The following DESI2 variants were observed in gnomAD, a reference collection of about 807,000 sequenced individuals.
DESI2 encodes the protein desumoylating isopeptidase 2.
DESI2 carries 10 observed loss-of-function variants against 24.1 expected under a neutral mutation model. The ratio of observed to expected loss-of-function variants is 0.41; its 90% CI spans 0.26 to 0.70. DESI2 has a LOEUF of 0.70. Ranked by LOEUF, DESI2 falls within the 30% of genes least tolerant of loss-of-function variation. The pLI is 0.29. For missense variants in DESI2, 122 were observed against 234.9 expected (o/e 0.52, Z 3.14); for synonymous variants, 71 against 87.7 (o/e 0.81, Z 1.06).
chr1:244,680,665 C>T (rs180758126), intron 1 of DESI2, among the ~76,000 whole-genome samples: 2 of 152,278 alleles, frequency 1.3e-5, no homozygotes, highest in Admixed American at 1.3e-4. Flanking sequence ...CATATTTTTC[C>T]ATTGCAAAGA....
At chr1:244,665,666 A>G (rs1034005633) in intron 1 of DESI2, among the ~76,000 whole-genome samples, 2 of 152,232 alleles carry the variant, frequency 1.3e-5, no homozygotes, top group African/African-American at 4.8e-5. Context: ...ACCCTTCAAA[A>G]TATGGATGGG....
At chr1:244,655,176 C>G (rs748717553) in intron 1 of DESI2, among the ~76,000 whole-genome samples, 1 of 152,120 alleles carries the variant, frequency 6.6e-6, no homozygotes, top group Admixed American at 6.5e-5. Context: ...GACTAATGAG[C>G]GAGATCTTAT....
chr1:244,695,438 G>C (rs1165626249), intron 4 of DESI2, among the ~76,000 whole-genome samples: 1 of 152,220 alleles, frequency 6.6e-6, no homozygotes, highest in Non-Finnish European at 1.5e-5. Flanking sequence ...GGGATCACAA[G>C]GTCAAGAGAT....
rs545221299 is a variant in DESI2, at chr1:244,680,584, C to T, written c.43-6013C>T. ...TTGTATTTCGTCACATCCAAAGGCA[C>T]ATAATATCAATTGGTCCAACTATTA... On this transcript the variant is annotated intron_variant, in intron 1 of 4. Coordinates refer to ENST00000302550, the MANE Select transcript of DESI2 (RefSeq NM_016076.5). 4.6e-5 allele frequency among the ~76,000 whole-genome samples: 7 copies of T among 152,352 alleles called. No individual in the cohort carries two copies. In the South Asian group the frequency reaches 1.5e-3, roughly 32 times the overall value.
In DESI2 at chr1:244,705,221, C is replaced by T. The variant is rs529915822; in HGVS notation, c.352-335C>T. Among the ~76,000 whole-genome samples the T allele has an allele frequency of 4.6e-5, 7 of 152,312 alleles. No individual in the cohort carries two copies. The South Asian group carries it at 6.2e-4, about 14-fold the overall frequency. On this transcript the variant is annotated intron_variant, in intron 4 of 4. Transcript: ENST00000302550. ...TCTAATAATATATTGTATTAACAAG[C>T]GTCTTCTGTGTGTTCAAAGTACTTT...
intron 4 of DESI2, chr1:244,694,468 G>T: frequency 1.3e-6 from 1 of 787,244 alleles, no homozygotes; most frequent in Admixed American, 1.7e-5. Context: ...GCCCTCTTGG[G>T]TTTAGGTGGT....
chr1:244,687,122 G>A (rs1676852971), intron 2 of DESI2, among the ~76,000 whole-genome samples: 1 of 152,100 alleles, frequency 6.6e-6, no homozygotes, highest in Non-Finnish European at 1.5e-5. Context: ...AATAAATTTG[G>A]TTTGTAGACC....
intron 1 of DESI2, among the ~76,000 whole-genome samples, chr1:244,657,474 A>G (rs1189350500): frequency 1.3e-5 from 2 of 152,300 alleles, no homozygotes; most frequent in Non-Finnish European, 2.9e-5. Context: ...CTGGGAGTAA[A>G]CTTAAATTCT....
At chr1:244,680,398 C>G (rs1057248507) in intron 1 of DESI2, among the ~76,000 whole-genome samples, 1 of 151,966 alleles carries the variant, frequency 6.6e-6, no homozygotes, top group Admixed American at 6.6e-5. Context: ...CCACTGCACT[C>G]CAGCCTGGGC....
intron 4 of DESI2, among the ~76,000 whole-genome samples, chr1:244,696,719 C>T (rs527962372): frequency 1.1e-3 from 171 of 152,328 alleles, no homozygotes; most frequent in Non-Finnish European, 2.0e-3. Context: ...GAAAGGCCTG[C>T]CTGCAGGATT....
chr1:244,705,013 G>A (rs1200692331), intron 4 of DESI2, among the ~76,000 whole-genome samples: 1 of 152,114 alleles, frequency 6.6e-6, no homozygotes, highest in Non-Finnish European at 1.5e-5. Context: ...TCTGGACCAG[G>A]ATGAGCCCCT....
At chr1:244,674,548 C>T (rs776581721) in intron 1 of DESI2, among the ~76,000 whole-genome samples, 1 of 152,156 alleles carries the variant, frequency 6.6e-6, no homozygotes, top group Non-Finnish European at 1.5e-5. Context: ...CATAGAACCA[C>T]GAATCTACTT....
chr1:244,682,531 T>A (rs144469006), intron 1 of DESI2, among the ~76,000 whole-genome samples: 20 of 152,370 alleles, frequency 1.3e-4, no homozygotes, highest in African/African-American at 4.8e-4. Flanking sequence ...CTCTGGTAGG[T>A]AACTATTTTC....
At position 244,707,306 on chromosome 1, in the gene DESI2, T is replaced by G. The variant is rs1363593065; in HGVS notation, c.*1517T>G. The stretch of plus-strand genomic sequence containing the variant: ...CTGATTTTGGTTCATTTTATCAACG[T>G]AAGCACACCCTGTTCATAGGGAAAA... On this transcript the variant is annotated 3_prime_UTR_variant, in exon 5 of 5. Transcript: ENST00000302550. The G allele has an allele frequency of 6.6e-6, 1 of 152,636 alleles. No individual in the cohort carries two copies. Among genetic ancestry groups the G allele is most frequent in the Non-Finnish European group, 1.5e-5 (1 of 68,038 alleles). 9.5% of individuals were successfully genotyped at this position (152,636 alleles called of 1,614,324 possible).
At chr1:244,655,652 G>C (rs1225694912) in intron 1 of DESI2, among the ~76,000 whole-genome samples, 4 of 152,340 alleles carry the variant, frequency 2.6e-5, no homozygotes, top group Middle Eastern at 3.4e-3. Context: ...CAAAGGAGGA[G>C]ACTATGTAGT....
chr1:244,662,721 G>C (rs926207494), intron 1 of DESI2, among the ~76,000 whole-genome samples: 4 of 152,094 alleles, frequency 2.6e-5, no homozygotes, highest in Admixed American at 2.6e-4. Context: ...GGTTACTGCA[G>C]TTTCAAAGAG....
intron 1 of DESI2, chr1:244,653,829 G>C: frequency 2.4e-6 from 1 of 421,472 alleles, no homozygotes; most frequent in East Asian, 7.4e-5. Context: ...TCTAAGTCCA[G>C]AAGGTCACAG....
At chr1:244,669,951 T>C (rs571979235) in intron 1 of DESI2, among the ~76,000 whole-genome samples, 36 of 133,294 alleles carry the variant, frequency 2.7e-4, no homozygotes, top group African/African-American at 9.8e-4. Context: ...TTCTCAAGAA[T>C]ATAAATAATT....
chr1:244,702,999 GC>G (rs1677534501), intron 4 of DESI2, among the ~76,000 whole-genome samples: 1 of 93,168 alleles, frequency 1.1e-5, no homozygotes. Flanking sequence ...GTTTGCCAGC[GC>G]TTTTTTTTTT....
Sources: allele counts gnomAD v4.1 joint callset (sites outside exome capture counted in the v4.1 genomes callset), GRCh38; gene constraint gnomAD v4.1.1; transcripts MANE v1.5; gene names NCBI Gene and HGNC (gene_info 2026-07-23, HGNC 2026-07-21).